Variants in WDFY1 observed in about 807,000 individuals in gnomAD.
WDFY1 encodes the protein WD repeat and FYVE domain containing 1, also known as WD repeat and FYVE domain-containing protein 1.
WDFY1 carries 32 observed loss-of-function variants against 56.4 expected under a neutral mutation model. The observed-to-expected ratio is 0.57, with a 90% CI of 0.43 to 0.76. The LOEUF is 0.76. Among genes scored for constraint, WDFY1 ranks in the 30% least tolerant of loss-of-function variants. The pLI is 0.00. For missense variants in WDFY1, 480 were observed against 545.7 expected, an observed-to-expected ratio of 0.88 and a Z score of 1.20; for synonymous variants, 192 against 197.3, an observed-to-expected ratio of 0.97 and a Z score of 0.23.
chr2:223,911,841 G>A (rs1307692838), intron 3 of WDFY1, among the ~76,000 whole-genome samples: 1 of 150,006 alleles, frequency 6.7e-6, no homozygotes, highest in African/African-American at 2.5e-5. Flanking sequence ...TTTGAGACAT[G>A]GTTTCCCTCT....
intron 1 of WDFY1, among the ~76,000 whole-genome samples, chr2:223,924,303 G>A (rs1338053965): frequency 6.6e-6 from 1 of 152,094 alleles, no homozygotes; most frequent in Non-Finnish European, 1.5e-5. Flanking sequence ...GATGAGAAAA[G>A]GTATCTCCAT....
intron 1 of WDFY1, among the ~76,000 whole-genome samples, chr2:223,942,692 C>T (rs371688660): frequency 1.5e-5 from 2 of 137,760 alleles, no homozygotes; most frequent in Non-Finnish European, 3.1e-5. Context: ...CCCGCCACCG[C>T]GCCCGGCTAA....
intron 11 of WDFY1, among the ~76,000 whole-genome samples, chr2:223,879,044 T>C (rs1693020781): frequency 6.6e-6 from 1 of 151,974 alleles, no homozygotes; most frequent in Non-Finnish European, 1.5e-5. Context: ...GAAATTAGCC[T>C]GGTGTGGTGG....
At chr2:223,897,503 CT>C (rs1693413979) in intron 6 of WDFY1, among the ~76,000 whole-genome samples, 2 of 151,516 alleles carry the variant, frequency 1.3e-5, no homozygotes, top group South Asian at 4.2e-4. Flanking sequence ...CTCAGCCTCC[CT>C]GAGTAGCTGG....
chr2:223,883,835 AG>A (rs1319113671), intron 9 of WDFY1, among the ~76,000 whole-genome samples: 1 of 152,004 alleles, frequency 6.6e-6, no homozygotes, highest in Non-Finnish European at 1.5e-5. Context: ...TAGGAGAGAC[AG>A]GGTTTCGCCA....
intron 10 of WDFY1, among the ~76,000 whole-genome samples, chr2:223,880,559 A>T (rs1310993934): frequency 1.3e-5 from 2 of 150,980 alleles, no homozygotes; most frequent in African/African-American, 4.9e-5. Context: ...GTGAGCCGAG[A>T]TTGTACCACT....
At chr2:223,888,738 C>T (rs1351444874) in intron 8 of WDFY1, among the ~76,000 whole-genome samples, 1 of 151,114 alleles carries the variant, frequency 6.6e-6, no homozygotes, top group Non-Finnish European at 1.5e-5. Flanking sequence ...AGGTGCCCAC[C>T]ACCACACCCA....
chr2:223,888,245 C>A (rs138150103), intron 8 of WDFY1, among the ~76,000 whole-genome samples: 54 of 152,202 alleles, frequency 3.5e-4, no homozygotes, highest in Non-Finnish European at 7.2e-4. Flanking sequence ...CCACACCCAG[C>A]AAATTTTTTG....
intron 1 of WDFY1, among the ~76,000 whole-genome samples, chr2:223,938,575 A>G (rs1020922865): frequency 6.6e-6 from 1 of 152,234 alleles, no homozygotes. Context: ...TACAAGAAGT[A>G]GTACCATTTT....
intron 1 of WDFY1, among the ~76,000 whole-genome samples, chr2:223,919,917 G>A (rs147666923): frequency 5.9e-5 from 9 of 152,230 alleles, no homozygotes; most frequent in African/African-American, 2.2e-4. Flanking sequence ...CTTCCCAGGA[G>A]GTTCATCCAC....
intron 1 of WDFY1, among the ~76,000 whole-genome samples, chr2:223,927,526 G>A (rs1401343195): frequency 7.2e-5 from 11 of 152,116 alleles, no homozygotes; most frequent in East Asian, 1.9e-4. Context: ...TCATAAAATC[G>A]AAGAGGATTA....
At position 223,880,575 on chromosome 2, in the gene WDFY1, C is replaced by A. The variant is rs570929219; in HGVS notation, c.1065-343G>T. ...TGAGCCGAGATTGTACCACTGCACTCCAGCCCAGGTGATCAACCAAGACTC... is the reference window on the plus strand; with the variant it reads ...TGAGCCGAGATTGTACCACTGCACTACAGCCCAGGTGATCAACCAAGACTC... On this transcript the variant is annotated intron_variant, in intron 10 of 11. Coordinates refer to ENST00000233055, the MANE Select transcript of WDFY1 (RefSeq NM_020830.5). Among the ~76,000 whole-genome samples the A allele has an allele frequency of 1.1e-4, 17 of 149,148 alleles. No homozygotes were observed. The East Asian group carries it at 2.6e-3, about 23-fold the overall frequency.
At chr2:223,942,719 TA>T (rs1689330012) in intron 1 of WDFY1, among the ~76,000 whole-genome samples, 1 of 130,814 alleles carries the variant, frequency 7.6e-6, no homozygotes, top group African/African-American at 2.8e-5. Flanking sequence ...GTATTTTTAG[TA>T]GAGACGGGGT....
chr2:223,910,148 TG>T (rs967499067), intron 3 of WDFY1, among the ~76,000 whole-genome samples: 26 of 148,378 alleles, frequency 1.8e-4, no homozygotes, highest in African/African-American at 4.1e-4. Flanking sequence ...AAAACTTAAA[TG>T]GGGGAAAAAA....
chr2:223,915,504 A>C (rs1693772342), intron 2 of WDFY1, among the ~76,000 whole-genome samples: 2 of 152,260 alleles, frequency 1.3e-5, no homozygotes, highest in South Asian at 4.1e-4. Flanking sequence ...ACTGAACCAA[A>C]TATGGGACAA....
intron 2 of WDFY1, 116 bp downstream of exon 2, chr2:223,917,827 C>T (rs1693814526): frequency 2.5e-6 from 3 of 1,214,552 alleles, no homozygotes; most frequent in Non-Finnish European, 3.5e-6. Context: ...CCGCCTTGGC[C>T]TCTCAAAGTG....
intron 8 of WDFY1, among the ~76,000 whole-genome samples, chr2:223,892,388 C>T (rs1693294819): frequency 6.6e-6 from 1 of 152,032 alleles, no homozygotes; most frequent in Admixed American, 6.6e-5. Context: ...ACATGTAATC[C>T]AAATTTCCTC....
At chr2:223,937,738 T>TGGCC (rs1409437586) in intron 1 of WDFY1, among the ~76,000 whole-genome samples, 2 of 152,172 alleles carry the variant, frequency 1.3e-5, no homozygotes, top group African/African-American at 4.8e-5. Flanking sequence ...ATGTGTGGGG[T>TGGCC]GGCCACCCAG....
rs747679802 is a variant in WDFY1 at position 223,901,298 on chromosome 2, A to G, written c.370T>C (p.Leu124=). 12 of 1,614,054 alleles carry G rather than the reference A, an allele frequency of 7.4e-6. No homozygotes were observed. Among genetic ancestry groups the G allele is most frequent in the Non-Finnish European group, 1.0e-5 (12 of 1,180,036 alleles). ...QNRVSAIIFS[L]ATEWVISTGH... ...GTACTGATCACCCACTCTGTGGCCAAGCTGAAGATAATCGCAGACACCCGG... is the reference window on the plus strand; with the variant it reads ...GTACTGATCACCCACTCTGTGGCCAGGCTGAAGATAATCGCAGACACCCGG... Residue 124 remains leucine, a synonymous_variant, in exon 5 of 12, where the codon TTG becomes CTG. Coordinates refer to ENST00000233055, the MANE Select transcript of WDFY1 (RefSeq NM_020830.5).
Sources: gnomAD v4.1 joint callset for allele counts (sites outside exome capture counted in the v4.1 genomes callset) on GRCh38, gnomAD v4.1.1 for gene constraint, MANE v1.5 for transcripts, NCBI Gene and HGNC (gene_info 2026-07-23, HGNC 2026-07-21) for gene names.